Variants in FBN2 observed in about 807,000 individuals in gnomAD.
FBN2 encodes the protein fibrillin 2.
FBN2 carries 105 observed loss-of-function variants against 355.6 expected under a neutral mutation model. The observed-to-expected ratio is 0.30, with a 90% CI of 0.25 to 0.35. FBN2 has a LOEUF of 0.35. FBN2 is among the 10% of genes least tolerant of loss of function. FBN2 has a pLI of 1.00. For synonymous variants in FBN2, 1,350 were observed against 1,301.2 expected, an observed-to-expected ratio of 1.04 and a Z score of -0.81; for missense variants, 3,280 against 3,758.7, an observed-to-expected ratio of 0.87 and a Z score of 3.33.
rs1235642079 is a variant in FBN2 at position 128,335,882 on chromosome 5, T to G, written c.3724+106A>C. On this transcript the variant is annotated intron_variant, in intron 28 of 64. Coordinates refer to ENST00000262464, the MANE Select transcript of FBN2 (RefSeq NM_001999.4). The stretch of plus-strand genomic sequence containing the variant: ...GATCTGCCCCTAGTCTTACATTCAT[T>G]TTTGGGACAAAGGATTTGCATAGCC... 9 of 1,240,712 alleles carry G rather than the reference T, an allele frequency of 7.3e-6. No homozygotes were observed. The Admixed American group carries it at 1.7e-4, about 24-fold the overall frequency. 76.9% of individuals were successfully genotyped at this position (1,240,712 alleles called of 1,614,324 possible). A position where few individuals can be genotyped will look rare whatever the true frequency, so the allele number is the denominator to read the frequency against.
Position 128,302,909 on chromosome 5 carries a change from T to C in FBN2, c.5917+64A>G, listed in dbSNP as rs1021245564. The C allele has an allele frequency of 9.1e-6, 9 of 984,120 alleles. No individual in the cohort carries two copies. The African/African-American group carries it at 1.3e-4, about 14-fold the overall frequency. 61.0% of individuals were successfully genotyped at this position (984,120 alleles called of 1,614,324 possible). ...TTTTTTTTTGTTCTTTAGTTTTGTT[T>C]TTTATTTCAGCACATTGTGTGGAAA... On this transcript the variant is annotated intron_variant, in intron 46 of 64. Coordinates refer to ENST00000262464, the MANE Select transcript of FBN2 (RefSeq NM_001999.4).
chr5:128,293,554 C>T (rs746034997), intron 48 of FBN2, among the ~76,000 whole-genome samples: 12 of 151,476 alleles, frequency 7.9e-5, no homozygotes, highest in African/African-American at 2.2e-4. Flanking sequence ...TCATTGCTAA[C>T]GATAGATGAA....
intron 36 of FBN2, among the ~76,000 whole-genome samples, chr5:128,313,275 C>T (rs1311475667): frequency 6.6e-6 from 1 of 152,150 alleles, no homozygotes; most frequent in African/African-American, 2.4e-5. Context: ...AGTTATCATC[C>T]AGATCACTCC....
intron 7 of FBN2, among the ~76,000 whole-genome samples, chr5:128,437,892 G>T (rs886164591): frequency 2.0e-5 from 3 of 152,076 alleles, no homozygotes; most frequent in Admixed American, 2.0e-4. Context: ...AAAAGAAAAA[G>T]AAATTGATCT....
At chr5:128,522,508 T>C (rs1215725815) in intron 4 of FBN2, among the ~76,000 whole-genome samples, 1 of 152,158 alleles carries the variant, frequency 6.6e-6, no homozygotes, top group Non-Finnish European at 1.5e-5. Context: ...AAGTGCACAG[T>C]GGCTGCACGC....
intron 48 of FBN2, among the ~76,000 whole-genome samples, chr5:128,300,443 T>C (rs1246202227): frequency 1.3e-5 from 2 of 152,262 alleles, no homozygotes; most frequent in Non-Finnish European, 2.9e-5. Flanking sequence ...GAGATTTTTC[T>C]GCTTCACATT....
intron 5 of FBN2, among the ~76,000 whole-genome samples, chr5:128,470,433 TG>T (rs1162576896): frequency 1.3e-5 from 2 of 152,088 alleles, no homozygotes; most frequent in Non-Finnish European, 2.9e-5. Context: ...CAAAAGAGTC[TG>T]GTAGGGGGTT....
chr5:128,276,462 A>C (rs1320465779), intron 58 of FBN2, among the ~76,000 whole-genome samples: 1 of 152,192 alleles, frequency 6.6e-6, no homozygotes, highest in Non-Finnish European at 1.5e-5. Context: ...AAACTTAATA[A>C]GAGTTTCTCT....
rs79221358 is a variant in FBN2, at chr5:128,515,439, T to C, written c.628+3834A>G. Among the ~76,000 whole-genome samples the C allele has an allele frequency of 3.5e-4, 54 of 152,150 alleles. No individual in the cohort carries two copies. The East Asian group carries it at 0.01, about 28-fold the overall frequency. On this transcript the variant is annotated intron_variant, in intron 5 of 64. Coordinates refer to ENST00000262464, the MANE Select transcript of FBN2 (RefSeq NM_001999.4). The stretch of plus-strand genomic sequence containing the variant: ...GGACAGCAGCAGAATAATGCAGAGT[T>C]CCAGCAAGCAGGACTCTGATGATGA...
chr5:128,503,217 T>G (rs147419049), intron 5 of FBN2, among the ~76,000 whole-genome samples: 1 of 152,348 alleles, frequency 6.6e-6, no homozygotes, highest in East Asian at 1.9e-4. Context: ...CCTTCTGCCA[T>G]GATTATGAGG....
rs73784566 is a variant in FBN2 at position 128,303,651 on chromosome 5, T to C, written c.5801-562A>G. Among the ~76,000 whole-genome samples, 761 of 152,282 alleles carry C rather than the reference T, an allele frequency of 5.0e-3. 4 individuals are homozygous for C. Among genetic ancestry groups the C allele is most frequent in the African/African-American group, 0.017 (717 of 41,566 alleles). ...TATGAGACAGCAGACTCCCCAACTA[T>C]GAATTCCAGGCTGCTGAAACTCTAC... is the stretch of plus-strand genomic sequence containing the variant. On this transcript the variant is annotated intron_variant, in intron 45 of 64. Transcript: ENST00000262464.
chr5:128,516,915 G>A (rs1756295743), intron 5 of FBN2, among the ~76,000 whole-genome samples: 2 of 151,994 alleles, frequency 1.3e-5, no homozygotes, highest in African/African-American at 4.8e-5. Context: ...TAAAGTTCAT[G>A]GTTGCTATGT....
intron 13 of FBN2, 113 bp from the exon 14 acceptor site, chr5:128,376,966 T>C: frequency 1.5e-6 from 2 of 1,334,564 alleles, no homozygotes. Flanking sequence ...CATGTGCTCA[T>C]GGCTTTTAGT....
intron 18 of FBN2, 111 bp from the exon 19 acceptor site, chr5:128,361,959 CAT>C (rs1374253399): frequency 4.5e-6 from 5 of 1,101,454 alleles, no homozygotes; most frequent in Non-Finnish European, 2.8e-6. Flanking sequence ...TTCTCTGTGA[CAT>C]AGTCTCTGTA....
intron 5 of FBN2, among the ~76,000 whole-genome samples, chr5:128,471,298 T>G (rs1290412745): frequency 6.6e-6 from 1 of 151,998 alleles, no homozygotes; most frequent in Non-Finnish European, 1.5e-5. Flanking sequence ...ATCTAAAATC[T>G]CTAATCACAG....
In FBN2 at chr5:128,309,237, G is replaced by T. The variant is rs113589974; in HGVS notation, c.5353+10C>A. 1.2e-6 allele frequency: 2 copies of T among 1,613,808 alleles called. No homozygotes were observed. The highest frequency in any genetic ancestry group is 3.3e-5 in the Admixed American group (2 of 59,996). On this transcript the variant is annotated intron_variant, in intron 41 of 64. Transcript: ENST00000262464. The stretch of plus-strand genomic sequence containing the variant: ...GTGGCAGTCAGCAGATGCACGAGCC[G>T]TGTGCTTACCTGTTCCTGGAGTTGG...
At chr5:128,366,807 A>G (rs1265659239) in intron 16 of FBN2, among the ~76,000 whole-genome samples, 3 of 152,274 alleles carry the variant, frequency 2.0e-5, no homozygotes, top group Non-Finnish European at 4.4e-5. Flanking sequence ...AGTGCCTGGT[A>G]TTGTTCTACA....
At chr5:128,413,533 C>A (rs758130936) in intron 7 of FBN2, among the ~76,000 whole-genome samples, 1 of 152,158 alleles carries the variant, frequency 6.6e-6, no homozygotes, top group African/African-American at 2.4e-5. Flanking sequence ...CTAAACAAAA[C>A]CATCTGACAG....
intron 61 of FBN2, 36 bp downstream of exon 61, chr5:128,273,804 T>G: frequency 6.3e-7 from 1 of 1,599,968 alleles, no homozygotes; most frequent in Non-Finnish European, 8.6e-7. Context: ...TGGTTTACTG[T>G]TATTAGATTA....
Sources: gnomAD v4.1 joint callset for allele counts (sites outside exome capture counted in the v4.1 genomes callset) on GRCh38, gnomAD v4.1.1 for gene constraint, MANE v1.5 for transcripts, NCBI Gene and HGNC (gene_info 2026-07-23, HGNC 2026-07-21) for gene names.